RANBP3: variants seen among roughly 807,000 people sequenced by gnomAD.
RANBP3 encodes the protein RAN binding protein 3.
RANBP3 carries 14 observed loss-of-function variants against 77.3 expected under a neutral mutation model. That is an observed-to-expected ratio of 0.18 (90% confidence interval 0.12 to 0.28). The LOEUF (loss-of-function observed/expected upper bound fraction) is 0.28, where lower values mean the gene tolerates loss of function less well. Among genes scored for constraint, RANBP3 ranks in the 10% least tolerant of loss-of-function variants. The pLI is 1.00. For missense variants in RANBP3, 586 were observed against 752.3 expected (o/e 0.78, Z 2.59); for synonymous variants, 315 against 312.4 (o/e 1.01, Z -0.09).
rs527474746 is a variant in RANBP3 at position 5,944,736 on chromosome 19, C to T, written c.283-2901G>A. ...TCTCCTCGGACACCGCACTGCTCGC[C>T]TCACCTCTGGCTTCCCTGGCCTCAC... is the stretch of plus-strand genomic sequence containing the variant. On this transcript the variant is annotated intron_variant, in intron 3 of 16. Coordinates refer to ENST00000340578, the MANE Select transcript of RANBP3 (RefSeq NM_007322.3). 1.6e-4 allele frequency among the ~76,000 whole-genome samples: 25 copies of T among 152,354 alleles called. No individual in the cohort carries two copies. In the East Asian group the frequency reaches 4.0e-3, roughly 25 times the overall value.
intron 1 of RANBP3, among the ~76,000 whole-genome samples, chr19:5,975,169 T>C (rs10412262): frequency 0.71 from 107,356 of 152,012 alleles, 38,155 homozygotes; most frequent in Admixed American, 0.79. Context: ...AGAAATGGAG[T>C]GTTCAAGAAA....
intron 1 of RANBP3, among the ~76,000 whole-genome samples, chr19:5,969,852 C>T (rs143339437): frequency 2.4e-4 from 36 of 152,384 alleles, no homozygotes; most frequent in African/African-American, 8.2e-4. Flanking sequence ...GACTGTTCTT[C>T]CTGAAGAGGG....
In RANBP3 at chr19:5,928,014, G is replaced by A; in HGVS notation, c.767C>T (p.Thr256Ile). The A allele has an allele frequency of 6.2e-7, 1 of 1,613,880 alleles. No individual in the cohort carries two copies. The highest frequency in any genetic ancestry group is 1.3e-5 in the African/African-American group (1 of 75,022). Reference sequence around the variant, plus strand: ...CTGCCCAAATACAAAGGCTTGCTGTGTGGCGGGGTCTTTTTTCTCACAGGC... The same window carrying A: ...CTGCCCAAATACAAAGGCTTGCTGTATGGCGGGGTCTTTTTTCTCACAGGC... ...EEACEKKDPA[T>I]QQAFVFGQNL... Residue 256 changes from threonine (T) to isoleucine (I), a missense_variant, in exon 9 of 17, where the codon ACA (threonine) becomes ATA (isoleucine). Thr to Ile is a moderately conservative substitution (Grantham distance 89, BLOSUM62 -1). Coordinates refer to ENST00000340578, the MANE Select transcript of RANBP3 (RefSeq NM_007322.3).
intron 9 of RANBP3, among the ~76,000 whole-genome samples, chr19:5,926,390 A>G (rs1337561823): frequency 6.6e-6 from 1 of 152,042 alleles, no homozygotes; most frequent in Non-Finnish European, 1.5e-5. Flanking sequence ...CCTCTACTAA[A>G]AATACAAAAA....
chr19:5,937,020 C>T (rs1015734975), intron 5 of RANBP3, among the ~76,000 whole-genome samples: 8 of 123,984 alleles, frequency 6.5e-5, no homozygotes, highest in African/African-American at 2.2e-4. Flanking sequence ...TGTGCCACTG[C>T]ACTCCAGCCT....
At chr19:5,962,678 A>C (rs1259003626) in intron 1 of RANBP3, 3 of 455,890 alleles carry the variant, frequency 6.6e-6, no homozygotes, top group African/African-American at 6.0e-5. Flanking sequence ...CCACTGCACT[A>C]ACATGTAGAA....
In RANBP3 at chr19:5,921,180, C is replaced by T; in HGVS notation, c.1330+21G>A. On this transcript the variant is annotated intron_variant, in intron 14 of 16. Transcript: ENST00000340578. This position sits in a 1 kb window ranked among gnomAD's most constrained non-coding sequence, Gnocchi z 5.3. ...CCTCCCCATGGGGACCCGGCCACAG[C>T]CCCCGCCGTCGGCAGCTCACCTAGT... The T allele has an allele frequency of 6.2e-7, 1 of 1,600,662 alleles. No homozygotes were observed. Among genetic ancestry groups the T allele is most frequent in the Non-Finnish European group, 8.5e-7 (1 of 1,174,544 alleles).
intron 9 of RANBP3, among the ~76,000 whole-genome samples, chr19:5,926,143 A>G (rs924686707): frequency 3.3e-5 from 5 of 152,150 alleles, no homozygotes; most frequent in Admixed American, 1.3e-4. Flanking sequence ...ACCAGCTGCT[A>G]TGCTGAGTCT....
intron 5 of RANBP3, among the ~76,000 whole-genome samples, chr19:5,935,188 C>T (rs1168396977): frequency 6.6e-6 from 1 of 152,244 alleles, no homozygotes; most frequent in East Asian, 1.9e-4. Flanking sequence ...GAAGACCCCT[C>T]TCCCGCTGTG....
intron 13 of RANBP3, 95 bp downstream of exon 13, chr19:5,923,099 G>GC (rs2057847382): frequency 1.0e-6 from 1 of 981,840 alleles, no homozygotes; most frequent in Non-Finnish European, 1.6e-6. Context: ...TCAGGGGCAG[G>GC]CCTGTGTGCT....
chr19:5,977,097 T>C (rs1392567344), intron 1 of RANBP3, among the ~76,000 whole-genome samples: 1 of 152,222 alleles, frequency 6.6e-6, no homozygotes, highest in African/African-American at 2.4e-5. Flanking sequence ...TCATCATTCA[T>C]TCATTACTGC....
At chr19:5,962,296 C>T (rs1248279388) in intron 1 of RANBP3, among the ~76,000 whole-genome samples, 1 of 152,214 alleles carries the variant, frequency 6.6e-6, no homozygotes, top group African/African-American at 2.4e-5. Context: ...CAGGAGAAAA[C>T]ATCTGACTGA....
intron 1 of RANBP3, among the ~76,000 whole-genome samples, chr19:5,971,658 C>T (rs1293868220): frequency 6.6e-6 from 1 of 152,202 alleles, no homozygotes; most frequent in African/African-American, 2.4e-5. Flanking sequence ...GGGCCCCGGA[C>T]CATCTTTGAG....
At position 5,957,912 on chromosome 19, in the gene RANBP3, C is replaced by T. The variant is rs1208466896; in HGVS notation, c.78+6G>A. The T allele has an allele frequency of 1.2e-6, 2 of 1,614,036 alleles. No homozygotes were observed. Among genetic ancestry groups the T allele is most frequent in the African/African-American group, 1.3e-5 (1 of 75,014 alleles). ...GAAGTGAAGAGAGAACGTACCGGCC[C>T]CTTACCTTTTGTCCTTTATCCTTCT... is the stretch of plus-strand genomic sequence containing the variant. On this transcript the variant is annotated splice_donor_region_variant and intron_variant, in intron 2 of 16. Coordinates refer to ENST00000340578, the MANE Select transcript of RANBP3 (RefSeq NM_007322.3).
At chr19:5,941,752 C>T in intron 4 of RANBP3, 45 bp from the exon 5 acceptor site, 4 of 1,612,698 alleles carry the variant, frequency 2.5e-6, no homozygotes, top group Non-Finnish European at 3.4e-6. Flanking sequence ...CAGGTTGCTT[C>T]TGTCTTTAAA....
intron 14 of RANBP3, 22 bp from the exon 15 acceptor site, chr19:5,918,660 A>G: frequency 6.2e-7 from 1 of 1,608,032 alleles, no homozygotes; most frequent in Non-Finnish European, 8.5e-7. Context: ...AAGGCCACTC[A>G]GCCCTGGCCC....
At chr19:5,942,454 T>G (rs1184246065) in intron 3 of RANBP3, among the ~76,000 whole-genome samples, 1 of 152,134 alleles carries the variant, frequency 6.6e-6, no homozygotes, top group East Asian at 1.9e-4. Context: ...CCACAAACTT[T>G]AGCTTTAGAG....
At chr19:5,954,463 G>A (rs762478913) in intron 2 of RANBP3, among the ~76,000 whole-genome samples, 1 of 152,138 alleles carries the variant, frequency 6.6e-6, no homozygotes, top group Non-Finnish European at 1.5e-5. Context: ...TGAGACACCC[G>A]TGGAAGAATT....
intron 5 of RANBP3, among the ~76,000 whole-genome samples, chr19:5,937,954 C>T (rs996162734): frequency 2.0e-5 from 3 of 152,198 alleles, no homozygotes; most frequent in African/African-American, 7.2e-5. Flanking sequence ...TCTGTGCCCC[C>T]ATCCAGACCA....
Sources: allele counts gnomAD v4.1 joint callset (sites outside exome capture counted in the v4.1 genomes callset), GRCh38; gene constraint gnomAD v4.1.1; non-coding constraint Gnocchi (gnomAD v3.1); transcripts MANE v1.5; gene names NCBI Gene and HGNC (gene_info 2026-07-23, HGNC 2026-07-21).